CTNND2: variants seen among roughly 807,000 people sequenced by gnomAD.
CTNND2 encodes catenin delta-2.
CTNND2 carries 22 observed loss-of-function variants against 144.4 expected under a neutral mutation model. That is an observed-to-expected ratio of 0.15 (90% CI 0.11 to 0.22). The LOEUF (loss-of-function observed/expected upper bound fraction) is 0.22, where lower values mean the gene tolerates loss of function less well. Ranked by LOEUF, CTNND2 falls within the 10% of genes least tolerant of loss-of-function variation. The probability of loss-of-function intolerance (pLI) is 1.00; values close to 1 mark genes in which losing one functional copy is unlikely to be tolerated. For synonymous variants in CTNND2, 751 were observed against 695.6 expected (o/e 1.08, Z -1.25); for missense variants, 1,353 against 1,618.8 (o/e 0.84, Z 2.82).
intron 9 of CTNND2, among the ~76,000 whole-genome samples, chr5:11,343,637 T>A (rs944924597): frequency 6.6e-6 from 1 of 152,216 alleles, no homozygotes; most frequent in Non-Finnish European, 1.5e-5. Context: ...AATGTAGATG[T>A]AGGTCCGCAC....
At chr5:11,247,045 G>A (rs1369423341) in intron 9 of CTNND2, among the ~76,000 whole-genome samples, 2 of 152,122 alleles carry the variant, frequency 1.3e-5, no homozygotes, top group Non-Finnish European at 2.9e-5. Flanking sequence ...TCCCTTTGAC[G>A]GTGGCTGCCT....
chr5:11,864,858 C>T (rs1795673812), intron 1 of CTNND2, among the ~76,000 whole-genome samples: 1 of 148,198 alleles, frequency 6.7e-6, no homozygotes, highest in African/African-American at 2.5e-5. Context: ...GTCTGCCTGT[C>T]TGATCTCAAC....
At chr5:11,852,153 C>T (rs966890862) in intron 1 of CTNND2, among the ~76,000 whole-genome samples, 1 of 152,140 alleles carries the variant, frequency 6.6e-6, no homozygotes, top group African/African-American at 2.4e-5. Flanking sequence ...CCAGCACCCA[C>T]TGTAGGCCAT....
At chr5:11,899,970 A>G (rs944681954) in intron 1 of CTNND2, among the ~76,000 whole-genome samples, 1 of 152,194 alleles carries the variant, frequency 6.6e-6, no homozygotes, top group African/African-American at 2.4e-5. Context: ...CAGATCACAA[A>G]CATATTTCTA....
At chr5:11,008,007 G>T (rs1173364330) in intron 18 of CTNND2, among the ~76,000 whole-genome samples, 1 of 152,196 alleles carries the variant, frequency 6.6e-6, no homozygotes, top group Admixed American at 6.5e-5. Flanking sequence ...CATTCCAGTT[G>T]TTTGGAATGT....
At chr5:11,820,788 A>G (rs1465201180) in intron 1 of CTNND2, among the ~76,000 whole-genome samples, 1 of 152,198 alleles carries the variant, frequency 6.6e-6, no homozygotes, top group South Asian at 2.1e-4. Context: ...AACTTCAGGT[A>G]CTGCAGGATG....
At chr5:11,863,176 G>A (rs879858074) in intron 1 of CTNND2, among the ~76,000 whole-genome samples, 3 of 152,142 alleles carry the variant, frequency 2.0e-5, no homozygotes, top group Non-Finnish European at 2.9e-5. Flanking sequence ...GAAATTATGT[G>A]TTGATATTCA....
At chr5:11,737,466 A>G (rs182186404) in intron 1 of CTNND2, among the ~76,000 whole-genome samples, 2 of 152,320 alleles carry the variant, frequency 1.3e-5, no homozygotes, top group African/African-American at 4.8e-5. Flanking sequence ...CACATGAGAA[A>G]AAGAGACAGC....
At chr5:11,669,222 T>C (rs1002568053) in intron 2 of CTNND2, among the ~76,000 whole-genome samples, 1 of 152,162 alleles carries the variant, frequency 6.6e-6, no homozygotes, top group Non-Finnish European at 1.5e-5. Flanking sequence ...GGCCTAAAAT[T>C]TTCTTTTTTG....
chr5:11,839,555 G>A (rs1794346195), intron 1 of CTNND2, among the ~76,000 whole-genome samples: 1 of 152,120 alleles, frequency 6.6e-6, no homozygotes, highest in African/African-American at 2.4e-5. Flanking sequence ...ATCATGAGTG[G>A]CTGGGGCTGG....
chr5:11,309,207 A>T (rs1227533192), intron 9 of CTNND2, among the ~76,000 whole-genome samples: 1 of 152,218 alleles, frequency 6.6e-6, no homozygotes, highest in Non-Finnish European at 1.5e-5. Flanking sequence ...ACTGTCCTCC[A>T]GACCCCAGAA....
In CTNND2 at chr5:11,413,930, T is replaced by C. The variant is rs368454538; in HGVS notation, c.288-1861A>G. ...GAGGGCCTTCCTCTCTCAAAAGATATGTCCTCATCAAAACCCTAAGACCTG... is the reference window on the plus strand; with the variant it reads ...GAGGGCCTTCCTCTCTCAAAAGATACGTCCTCATCAAAACCCTAAGACCTG... On this transcript the variant is annotated intron_variant, in intron 3 of 21. Transcript: ENST00000304623. 2.2e-4 allele frequency among the ~76,000 whole-genome samples: 33 copies of C among 152,304 alleles called. 1 individual carries two copies. In the East Asian group the frequency reaches 5.4e-3, roughly 25 times the overall value.
At chr5:11,529,254 AAAC>A (rs1391827455) in intron 3 of CTNND2, among the ~76,000 whole-genome samples, 1 of 152,248 alleles carries the variant, frequency 6.6e-6, no homozygotes, top group African/African-American at 2.4e-5. Flanking sequence ...GCAAAAAACA[AAAC>A]AAAACAACAA....
At chr5:11,844,151 G>T (rs1450566931) in intron 1 of CTNND2, among the ~76,000 whole-genome samples, 1 of 152,038 alleles carries the variant, frequency 6.6e-6, no homozygotes, top group Non-Finnish European at 1.5e-5. Context: ...TAAATAGAAG[G>T]GAAAAATCAC....
intron 10 of CTNND2, among the ~76,000 whole-genome samples, chr5:11,203,348 C>A (rs1456989761): frequency 6.6e-6 from 1 of 152,160 alleles, no homozygotes; most frequent in Non-Finnish European, 1.5e-5. Flanking sequence ...AAGCTGAGCC[C>A]AGGTTTTTGT....
At chr5:11,588,294 T>C (rs1779006435) in intron 2 of CTNND2, among the ~76,000 whole-genome samples, 1 of 151,892 alleles carries the variant, frequency 6.6e-6, no homozygotes, top group Non-Finnish European at 1.5e-5. Flanking sequence ...GATGGGGTTA[T>C]TCCTTTAACT....
Position 11,236,678 on chromosome 5 carries a change from A to G in CTNND2, c.1761+13T>C. 1 of 1,613,930 alleles carries G rather than the reference A, an allele frequency of 6.2e-7. No individual in the cohort carries two copies. The highest frequency in any genetic ancestry group is 8.5e-7 in the Non-Finnish European group (1 of 1,179,868). On this transcript the variant is annotated intron_variant, in intron 10 of 21. Coordinates refer to ENST00000304623, the MANE Select transcript of CTNND2 (RefSeq NM_001332.4). ...TCTGACACCAATCATTTCAGAATCC[A>G]AGGAGCACTGACCTCGGCTTTAATT...
chr5:11,738,772 C>T lies in CTNND2; in HGVS notation c.38-6500G>A, dbSNP rs180896123. 3.3e-5 allele frequency among the ~76,000 whole-genome samples: 5 copies of T among 151,938 alleles called. No individual in the cohort carries two copies. The East Asian group carries it at 9.7e-4, about 30-fold the overall frequency. ...CTTGTGTCACTCTTACTTGGTGGTC[C>T]CCTCCTCTCCAATTTTCCAGTAAGT... On this transcript the variant is annotated intron_variant, in intron 1 of 21. Coordinates refer to ENST00000304623, the MANE Select transcript of CTNND2 (RefSeq NM_001332.4).
intron 2 of CTNND2, among the ~76,000 whole-genome samples, chr5:11,651,233 T>G (rs558180132): frequency 3.3e-5 from 5 of 152,296 alleles, no homozygotes; most frequent in African/African-American, 1.2e-4. Context: ...CCCAGATACA[T>G]CTCAGGCTGC....
Sources: allele counts gnomAD v4.1 joint callset (sites outside exome capture counted in the v4.1 genomes callset), GRCh38; gene constraint gnomAD v4.1.1; transcripts MANE v1.5; gene names NCBI Gene and HGNC (gene_info 2026-07-23, HGNC 2026-07-21).